Variants in COL22A1 observed in about 807,000 individuals in gnomAD.
The protein encoded by COL22A1 is collagen alpha-1(XXII) chain.
In COL22A1, 221 loss-of-function variants were observed where a neutral mutation model predicts 248.9. That is an observed-to-expected ratio of 0.89 (90% CI 0.80 to 0.99). The LOEUF (loss-of-function observed/expected upper bound fraction) is 0.99, where lower values mean the gene tolerates loss of function less well. Ranked by LOEUF, COL22A1 falls within the 50% of genes least tolerant of loss-of-function variation. COL22A1 has a pLI of 0.00. For missense variants in COL22A1, 2,240 were observed against 2,179.0 expected (o/e 1.03, Z -0.56); for synonymous variants, 891 against 793.4 (o/e 1.12, Z -2.07).
intron 55 of COL22A1, among the ~76,000 whole-genome samples, chr8:138,614,472 A>C (rs936832724): frequency 6.6e-6 from 1 of 152,224 alleles, no homozygotes; most frequent in Non-Finnish European, 1.5e-5. Context: ...AGACTGAAAA[A>C]CACTCTAGAA....
At chr8:138,742,198 A>G (rs1831642115) in intron 22 of COL22A1, among the ~76,000 whole-genome samples, 1 of 133,316 alleles carries the variant, frequency 7.5e-6, no homozygotes, top group Non-Finnish European at 1.6e-5. Flanking sequence ...TGATGGTAAT[A>G]GTGATCGTGA....
intron 3 of COL22A1, among the ~76,000 whole-genome samples, chr8:138,854,691 A>G (rs1821883772): frequency 6.6e-6 from 1 of 152,168 alleles, no homozygotes; most frequent in African/African-American, 2.4e-5. Context: ...TCCCGTTACA[A>G]TAAGAGGCCT....
intron 49 of COL22A1, among the ~76,000 whole-genome samples, chr8:138,633,239 A>G (rs1350915223): frequency 6.6e-6 from 1 of 152,252 alleles, no homozygotes; most frequent in Non-Finnish European, 1.5e-5. Flanking sequence ...GGCTATTAAC[A>G]GTACAAAGCA....
At chr8:138,743,096 G>C (rs1272206340) in intron 22 of COL22A1, among the ~76,000 whole-genome samples, 1 of 149,418 alleles carries the variant, frequency 6.7e-6, no homozygotes, top group Non-Finnish European at 1.5e-5. Flanking sequence ...GGTGATGGTG[G>C]AGTTGATGAG....
intron 3 of COL22A1, among the ~76,000 whole-genome samples, chr8:138,850,530 C>A (rs1821558484): frequency 6.6e-6 from 1 of 152,178 alleles, no homozygotes; most frequent in Admixed American, 6.5e-5. Flanking sequence ...CAGCTGGGCC[C>A]TTCCTGATGG....
rs150529120 is a variant in COL22A1 at position 138,784,593 on chromosome 8, T to C, written c.1597-3613A>G. On this transcript the variant is annotated intron_variant, in intron 12 of 64. Coordinates refer to ENST00000303045, the MANE Select transcript of COL22A1 (RefSeq NM_152888.3). ...TACCCGATTAAACACACATGCATGT[T>C]TAATAATGGCAGAACCAACAGTCAG... is the stretch of plus-strand genomic sequence containing the variant. Among the ~76,000 whole-genome samples, 377 of 152,300 alleles carry C rather than the reference T, an allele frequency of 2.5e-3. 3 individuals carry two copies. Among genetic ancestry groups the C allele is most frequent in the African/African-American group, 8.6e-3 (357 of 41,558 alleles).
At position 138,598,825 on chromosome 8, in the gene COL22A1, C is replaced by T; in HGVS notation, c.4259G>A (p.Gly1420Asp). ...CATCAGGCCTGTGTGGCCTTTGTGGCCTGGGATTCCAGGGTCCCCAGGCTG... is the reference window on the plus strand; with the variant it reads ...CATCAGGCCTGTGTGGCCTTTGTGGTCTGGGATTCCAGGGTCCCCAGGCTG... The part of the protein sequence containing the change: ...KGQPGDPGIP[G>D]HKGHTGLMGP... The change falls in exon 61 of 65, where the codon GGC becomes GAC. Residue 1420 changes from glycine to aspartate, a missense_variant. Physicochemically the swap from Gly to Asp is moderately conservative, Grantham distance 94. Transcript: ENST00000303045. The T allele has an allele frequency of 4.3e-6, 7 of 1,614,146 alleles. No individual in the cohort carries two copies. Among genetic ancestry groups the T allele is most frequent in the South Asian group, 1.1e-5 (1 of 91,082 alleles).
chr8:138,691,754 GTA>G (rs1206719250), intron 35 of COL22A1, among the ~76,000 whole-genome samples: 1 of 147,070 alleles, frequency 6.8e-6, no homozygotes, highest in African/African-American at 2.6e-5. Flanking sequence ...GTGGAGGTGT[GTA>G]TATGTGTACA....
intron 22 of COL22A1, among the ~76,000 whole-genome samples, chr8:138,738,090 C>A (rs553784536): frequency 6.6e-6 from 1 of 152,290 alleles, no homozygotes; most frequent in East Asian, 1.9e-4. Context: ...TTATCTAAGC[C>A]ACATCCCATA....
chr8:138,716,166 G>T, intron 29 of COL22A1, 61 bp downstream of exon 29: 1 of 1,310,074 alleles, frequency 7.6e-7, no homozygotes, highest in Non-Finnish European at 1.1e-6. Flanking sequence ...TCCACAGGGG[G>T]CTGCTCTCTG....
At chr8:138,884,679 G>C (rs1824505767) in intron 1 of COL22A1, among the ~76,000 whole-genome samples, 1 of 152,126 alleles carries the variant, frequency 6.6e-6, no homozygotes, top group Non-Finnish European at 1.5e-5. Context: ...CCTACGAACT[G>C]GCATGTCCAC....
chr8:138,603,832 G>A (rs1157697825), intron 59 of COL22A1, among the ~76,000 whole-genome samples: 1 of 152,148 alleles, frequency 6.6e-6, no homozygotes, highest in Admixed American at 6.5e-5. Context: ...AAAGGCACAG[G>A]GTAAAAATGC....
rs946104738 is a variant in COL22A1, at chr8:138,775,879, C to A, written c.1803+87G>T. The A allele has an allele frequency of 4.9e-6, 6 of 1,233,792 alleles. No homozygotes were observed. In the Admixed American group the frequency reaches 1.0e-4, roughly 21 times the overall value. The allele number at this position is 1,233,792 out of a possible 1,614,324, so 76.4% of individuals were successfully genotyped here. ...ACACACAAATGTGTACACACACACA[C>A]GAGCATACACAGAGCAGATGGTTCC... On this transcript the variant is annotated intron_variant, in intron 16 of 64. Coordinates refer to ENST00000303045, the MANE Select transcript of COL22A1 (RefSeq NM_152888.3).
At chr8:138,784,348 A>G (rs911441169) in intron 12 of COL22A1, among the ~76,000 whole-genome samples, 8 of 152,200 alleles carry the variant, frequency 5.3e-5, no homozygotes, top group African/African-American at 1.9e-4. Flanking sequence ...TCTTGGGAAA[A>G]GTGGGGGCCA....
chr8:138,641,696 G>A (rs950914442), intron 47 of COL22A1, among the ~76,000 whole-genome samples: 1 of 152,178 alleles, frequency 6.6e-6, no homozygotes, highest in African/African-American at 2.4e-5. Context: ...CCTTGGGGAA[G>A]TTACTTCCCC....
chr8:138,862,254 A>G (rs1002010220), intron 3 of COL22A1, among the ~76,000 whole-genome samples: 1 of 152,054 alleles, frequency 6.6e-6, no homozygotes, highest in African/African-American at 2.4e-5. Flanking sequence ...TTAAAGTAAA[A>G]CAAAACAAAG....
chr8:138,753,928 G>T (rs1188010977), intron 21 of COL22A1, among the ~76,000 whole-genome samples: 1 of 152,172 alleles, frequency 6.6e-6, no homozygotes, highest in Non-Finnish European at 1.5e-5. Flanking sequence ...CCCCTTTACG[G>T]AGCTCAGAGG....
intron 60 of COL22A1, among the ~76,000 whole-genome samples, chr8:138,601,433 G>A (rs1818000413): frequency 1.3e-5 from 2 of 152,208 alleles, no homozygotes; most frequent in South Asian, 4.1e-4. Flanking sequence ...ACAAGCGGGG[G>A]TGGGCTGGGG....
intron 12 of COL22A1, among the ~76,000 whole-genome samples, chr8:138,795,940 C>A (rs1057278360): frequency 2.0e-5 from 3 of 152,090 alleles, no homozygotes; most frequent in Admixed American, 6.5e-5. Context: ...CCCCTCTGAG[C>A]GATGAATGAC....
Sources: gnomAD v4.1 joint callset for allele counts (sites outside exome capture counted in the v4.1 genomes callset) on GRCh38, gnomAD v4.1.1 for gene constraint, MANE v1.5 for transcripts, NCBI Gene and HGNC (gene_info 2026-07-23, HGNC 2026-07-21) for gene names.